Variants in COL26A1 observed in about 807,000 individuals in gnomAD.
COL26A1 encodes the protein collagen type XXVI alpha 1 chain, also known as collagen alpha-1(XXVI) chain.
A neutral mutation model predicts 59.3 loss-of-function variants in COL26A1; 41 were observed. The ratio of observed to expected loss-of-function variants is 0.69; its 90% confidence interval spans 0.54 to 0.90. The LOEUF is 0.90. Among genes scored for constraint, COL26A1 ranks in the 40% least tolerant of loss-of-function variants. COL26A1 has a pLI of 0.00. For synonymous variants in COL26A1, 266 were observed against 256.0 expected, an observed-to-expected ratio of 1.04 and a Z score of -0.37; for missense variants, 612 against 602.3, an observed-to-expected ratio of 1.02 and a Z score of -0.17.
chr7:101,499,358 A>T (rs1794653297), intron 3 of COL26A1, among the ~76,000 whole-genome samples: 2 of 151,966 alleles, frequency 1.3e-5, no homozygotes, highest in Non-Finnish European at 2.9e-5. Context: ...CCTGGGCAAC[A>T]TGATGAGATC....
intron 2 of COL26A1, among the ~76,000 whole-genome samples, chr7:101,435,193 C>T (rs981567156): frequency 2.4e-4 from 36 of 152,248 alleles, no homozygotes; most frequent in African/African-American, 8.2e-4. Context: ...GGTGTGATGG[C>T]GGTTGCTCCT....
chr7:101,555,726 A>G (rs1200728689), intron 11 of COL26A1, 61 bp from the exon 12 acceptor site: 25 of 1,285,528 alleles, frequency 1.9e-5, no homozygotes, highest in Middle Eastern at 2.4e-4. Flanking sequence ...TCACTGTATC[A>G]GGATGGCCCT....
At chr7:101,516,575 T>A (rs962533362) in intron 3 of COL26A1, among the ~76,000 whole-genome samples, 1 of 152,184 alleles carries the variant, frequency 6.6e-6, no homozygotes, top group Non-Finnish European at 1.5e-5. Context: ...CTGGTGAGAT[T>A]TGCTTTTTAA....
intron 2 of COL26A1, among the ~76,000 whole-genome samples, chr7:101,425,125 GC>G (rs1792614127): frequency 6.6e-6 from 1 of 151,814 alleles, no homozygotes; most frequent in South Asian, 2.1e-4. Flanking sequence ...GGTGGCTCAT[GC>G]CTGTAATCCT....
intron 3 of COL26A1, among the ~76,000 whole-genome samples, chr7:101,489,723 T>C (rs1203860016): frequency 9.6e-6 from 1 of 104,238 alleles, no homozygotes; most frequent in African/African-American, 6.2e-5. Context: ...CATTCTTTCT[T>C]TCTCTCTCTC....
At chr7:101,419,110 C>T (rs1792449822) in intron 1 of COL26A1, among the ~76,000 whole-genome samples, 1 of 82,718 alleles carries the variant, frequency 1.2e-5, no homozygotes, top group Non-Finnish European at 2.3e-5. Flanking sequence ...CCTCCCCTCC[C>T]CTCTTCTCCC....
rs368583451 is a variant in COL26A1 at position 101,539,925 on chromosome 7, C to T, written c.480C>T (p.Ser160=). Reference sequence around the variant, plus strand: ...TGCTAGAAGCAGCAGAACGGCCCTCCAGCCCGGACAACGACCTGCCAGCCC... The same window carrying T: ...TGCTAGAAGCAGCAGAACGGCCCTCTAGCCCGGACAACGACCTGCCAGCCC... The part of the protein sequence containing the change: ...VLLLEAAERP[S]SPDNDLPAPE... The change falls in exon 5 of 13, where the codon TCC becomes TCT. Residue 160 remains serine (S), a synonymous_variant. Coordinates refer to ENST00000313669, the MANE Select transcript of COL26A1 (RefSeq NM_001278563.3). The T allele has an allele frequency of 5.0e-6, 8 of 1,613,324 alleles. No homozygotes were observed. In the African/African-American group the frequency reaches 1.1e-4, roughly 22 times the overall value.
At chr7:101,489,829 T>G (rs1441391024) in intron 3 of COL26A1, among the ~76,000 whole-genome samples, 1 of 12,724 alleles carries the variant, frequency 7.9e-5, no homozygotes, top group Non-Finnish European at 1.2e-4. Context: ...TTTCTTTCTT[T>G]CTTTCTTTCT....
At chr7:101,553,837 G>A (rs1349334136) in intron 11 of COL26A1, among the ~76,000 whole-genome samples, 1 of 152,080 alleles carries the variant, frequency 6.6e-6, no homozygotes, top group Non-Finnish European at 1.5e-5. Context: ...GGAGGAAGAG[G>A]GACTTGCAAA....
At position 101,509,373 on chromosome 7, in the gene COL26A1, G is replaced by C. The variant is rs147581760; in HGVS notation, c.386-23709G>C. ...AGGCAGGAGAATAGCTTGAACCTGG[G>C]AGGCGGGGGTTGCAGTAAGCTGAGA... On this transcript the variant is annotated intron_variant, in intron 3 of 12. Coordinates refer to ENST00000313669, the MANE Select transcript of COL26A1 (RefSeq NM_001278563.3). 8.8e-3 allele frequency among the ~76,000 whole-genome samples: 1,346 copies of C among 152,254 alleles called. 8 individuals are homozygous for C. The highest frequency in any genetic ancestry group is 0.016 in the South Asian group (75 of 4,816).
chr7:101,407,756 A>G (rs117818504), intron 1 of COL26A1, among the ~76,000 whole-genome samples: 2,709 of 152,086 alleles, frequency 0.018, 36 homozygotes, highest in Non-Finnish European at 0.028. Flanking sequence ...TACCATTGCC[A>G]TGGCAACACC....
intron 1 of COL26A1, among the ~76,000 whole-genome samples, chr7:101,368,284 A>G (rs1276983159): frequency 6.6e-6 from 1 of 152,180 alleles, no homozygotes; most frequent in Non-Finnish European, 1.5e-5. Context: ...GTTGGTGATC[A>G]TTGCGTATGT....
At chr7:101,533,054 T>C (rs1379620646) in intron 3 of COL26A1, 28 bp from the exon 4 acceptor site, 1 of 1,571,402 alleles carries the variant, frequency 6.4e-7, no homozygotes, top group South Asian at 1.2e-5. Context: ...TACACTCTGC[T>C]CTCATATAAG....
intron 12 of COL26A1, among the ~76,000 whole-genome samples, chr7:101,556,972 G>T (rs908392934): frequency 6.6e-6 from 1 of 150,558 alleles, no homozygotes; most frequent in African/African-American, 2.5e-5. Flanking sequence ...TGGGTGGGTG[G>T]ATAAGTGAGT....
At chr7:101,381,586 AG>A (rs1774839594) in intron 1 of COL26A1, among the ~76,000 whole-genome samples, 1 of 152,188 alleles carries the variant, frequency 6.6e-6, no homozygotes, top group South Asian at 2.1e-4. Context: ...TTATGGTGGA[AG>A]GGCAAAGAGA....
chr7:101,502,342 A>AAACAAC (rs760458711), intron 3 of COL26A1, among the ~76,000 whole-genome samples: 38 of 152,120 alleles, frequency 2.5e-4, no homozygotes, highest in Non-Finnish European at 1.0e-4. Context: ...ACTCAGTCTC[A>AAACAAC]AACAACAACA....
chr7:101,401,827 A>C (rs1003701076), intron 1 of COL26A1, among the ~76,000 whole-genome samples: 1 of 152,062 alleles, frequency 6.6e-6, no homozygotes, highest in Non-Finnish European at 1.5e-5. Flanking sequence ...CAATTTCCCA[A>C]CTGGGCCCCA....
chr7:101,385,414 A>G (rs1377277539), intron 1 of COL26A1, among the ~76,000 whole-genome samples: 1 of 143,484 alleles, frequency 7.0e-6, no homozygotes, highest in African/African-American at 2.5e-5. Context: ...TCTGTTGCCC[A>G]GGCTGCAGTG....
intron 2 of COL26A1, among the ~76,000 whole-genome samples, chr7:101,422,707 A>G (rs962679791): frequency 1.3e-5 from 2 of 151,962 alleles, no homozygotes; most frequent in Non-Finnish European, 2.9e-5. Flanking sequence ...CAGTGGTGCA[A>G]TCATGGCTCA....
Sources: allele counts gnomAD v4.1 joint callset (sites outside exome capture counted in the v4.1 genomes callset), GRCh38; gene constraint gnomAD v4.1.1; transcripts MANE v1.5; gene names NCBI Gene and HGNC (gene_info 2026-07-23, HGNC 2026-07-21).